The following CYRIA variants were observed in gnomAD, a reference collection of about 807,000 sequenced individuals.
CYRIA encodes CYFIP-related Rac1 interactor A.
In CYRIA, 15 loss-of-function variants were observed where a neutral mutation model predicts 43.9. The ratio of observed to expected loss-of-function variants is 0.34; its 90% CI spans 0.23 to 0.53. The LOEUF is 0.53. Among genes scored for constraint, CYRIA ranks in the 20% least tolerant of loss-of-function variants. CYRIA has a pLI of 0.94. For synonymous variants in CYRIA, 117 were observed against 136.0 expected (o/e 0.86, Z 0.97); for missense variants, 236 against 394.2 (o/e 0.60, Z 3.40).
chr2:16,574,732 A>C (rs189605136), intron 3 of CYRIA, among the ~76,000 whole-genome samples: 204 of 152,324 alleles, frequency 1.3e-3, no homozygotes, highest in African/African-American at 4.9e-3. Context: ...AGAAATCAAA[A>C]ACTGAGGTTT....
intron 1 of CYRIA, among the ~76,000 whole-genome samples, chr2:16,665,427 A>G (rs1375533119): frequency 6.6e-6 from 1 of 151,254 alleles, no homozygotes; most frequent in Non-Finnish European, 1.5e-5. Flanking sequence ...GGGGAGTGTT[A>G]GGGGTCCCCT....
chr2:16,646,724 A>G (rs1669830964), intron 1 of CYRIA, among the ~76,000 whole-genome samples: 2 of 152,236 alleles, frequency 1.3e-5, no homozygotes, highest in African/African-American at 4.8e-5. Flanking sequence ...AGAAATTAAC[A>G]TTTAAATCAG....
intron 1 of CYRIA, among the ~76,000 whole-genome samples, chr2:16,665,034 C>T (rs1357181801): frequency 1.3e-5 from 2 of 152,088 alleles, no homozygotes; most frequent in South Asian, 2.1e-4. Context: ...CACTGGCTAG[C>T]GAGTAGGAGC....
chr2:16,562,134 A>G lies in CYRIA; in HGVS notation c.306T>C (p.Ala102=), dbSNP rs764375091. ...FYEFSIRLEK[A]LQSLLESLTC... ...TCAGAGATTCCAATAAACTCTGAAG[A>G]GCTTTTTCTGAAAATCAAAGGGATA... Residue 102 remains alanine (A), a synonymous_variant, in exon 6 of 12, where the codon GCT becomes GCC. Coordinates refer to ENST00000381323, the MANE Select transcript of CYRIA (RefSeq NM_030797.4). 2.5e-6 allele frequency: 4 copies of G among 1,610,412 alleles called. No homozygotes were observed. The South Asian group carries it at 4.4e-5, about 18-fold the overall frequency.
At chr2:16,607,302 T>G in intron 2 of CYRIA, among the ~76,000 whole-genome samples, 1 of 63,094 alleles carries the variant, frequency 1.6e-5, no homozygotes, top group Admixed American at 2.4e-4. Flanking sequence ...GGTGGGCCTG[T>G]CAGGCAGGGA....
chr2:16,561,922 A>G (rs1166233735), intron 6 of CYRIA, 83 bp downstream of exon 6: 17 of 1,354,440 alleles, frequency 1.3e-5, no homozygotes, highest in Non-Finnish European at 1.5e-5. Flanking sequence ...CTACCCACCC[A>G]CCCCACAGCA....
chr2:16,593,718 G>GTT (rs572181896), intron 2 of CYRIA, among the ~76,000 whole-genome samples: 2 of 85,836 alleles, frequency 2.3e-5, no homozygotes, highest in Non-Finnish European at 2.3e-5. Context: ...GTGTGTGTGT[G>GTT]TTTTTTTTTT....
chr2:16,576,148 A>G (rs1667338592), intron 3 of CYRIA, among the ~76,000 whole-genome samples: 1 of 152,192 alleles, frequency 6.6e-6, no homozygotes, highest in Admixed American at 6.5e-5. Flanking sequence ...CTTTTGGGAG[A>G]TATGGATTCA....
At chr2:16,662,464 G>C (rs1018667546) in intron 1 of CYRIA, among the ~76,000 whole-genome samples, 3 of 152,224 alleles carry the variant, frequency 2.0e-5, no homozygotes, top group African/African-American at 7.2e-5. Context: ...TTCAACCACA[G>C]TTAAGACAAA....
At chr2:16,554,723 GC>G (rs1463295790) in intron 11 of CYRIA, among the ~76,000 whole-genome samples, 1 of 152,152 alleles carries the variant, frequency 6.6e-6, no homozygotes, top group African/African-American at 2.4e-5. Flanking sequence ...GAAAGTGAGA[GC>G]CTGGAAGCCT....
intron 1 of CYRIA, among the ~76,000 whole-genome samples, chr2:16,624,740 G>A (rs371514773): frequency 5.9e-5 from 9 of 152,242 alleles, no homozygotes; most frequent in African/African-American, 2.2e-4. Context: ...ACTCCTTTGT[G>A]CAGAAAACCA....
In CYRIA at chr2:16,650,853, A is replaced by G. The variant is rs771912793; in HGVS notation, c.-167+14927T>C. Among the ~76,000 whole-genome samples, 1 of 152,244 alleles carries G rather than the reference A, an allele frequency of 6.6e-6. No individual in the cohort carries two copies. The highest frequency in any genetic ancestry group is 2.4e-5 in the African/African-American group (1 of 41,466). ...AGGACAGAGGCTCACAGGCTTTGAC[A>G]TGAGTGACTAATTCAATTTTTTGCT... On this transcript the variant is annotated intron_variant, in intron 1 of 11. Coordinates refer to ENST00000381323, the MANE Select transcript of CYRIA (RefSeq NM_030797.4). This position sits in a 1 kb window ranked among gnomAD's most constrained non-coding sequence, Gnocchi z 4.1.
intron 4 of CYRIA, 114 bp downstream of exon 4, chr2:16,565,532 G>T: frequency 8.0e-7 from 1 of 1,244,110 alleles, no homozygotes; most frequent in Non-Finnish European, 1.1e-6. Context: ...GTTCTTCCTG[G>T]TACTCTAGGA....
At chr2:16,590,016 G>A (rs62122729) in intron 2 of CYRIA, among the ~76,000 whole-genome samples, 27,677 of 151,600 alleles carry the variant, frequency 0.18, 3,509 homozygotes, top group African/African-American at 0.35. Context: ...TGGGCTAGAC[G>A]CATCCTAGAC....
chr2:16,617,219 C>T (rs1025959640), intron 2 of CYRIA, among the ~76,000 whole-genome samples: 4 of 152,182 alleles, frequency 2.6e-5, no homozygotes, highest in African/African-American at 9.7e-5. Context: ...CTAAGAGGAG[C>T]ACAGATGACC....
chr2:16,572,824 A>C (rs1277959226), intron 3 of CYRIA, among the ~76,000 whole-genome samples: 4 of 151,194 alleles, frequency 2.6e-5, no homozygotes, highest in Non-Finnish European at 5.9e-5. Context: ...CACTGTCTTC[A>C]AGAAACATTT....
chr2:16,557,703 A>G (rs1204593601), intron 10 of CYRIA, among the ~76,000 whole-genome samples: 1 of 152,186 alleles, frequency 6.6e-6, no homozygotes, highest in African/African-American at 2.4e-5. Context: ...AAGACTTAAC[A>G]TGATATACTG....
intron 1 of CYRIA, among the ~76,000 whole-genome samples, chr2:16,641,182 T>A (rs1375138016): frequency 6.6e-6 from 1 of 152,168 alleles, no homozygotes; most frequent in African/African-American, 2.4e-5. Context: ...TATTATTGCA[T>A]CACTCTATGG....
At chr2:16,631,993 C>T (rs997040732) in intron 1 of CYRIA, among the ~76,000 whole-genome samples, 15 of 152,214 alleles carry the variant, frequency 9.9e-5, no homozygotes, top group African/African-American at 3.6e-4. Flanking sequence ...CCCTGAGTCC[C>T]ACAGACCACC....
Sources: gnomAD v4.1 joint callset for allele counts (sites outside exome capture counted in the v4.1 genomes callset) on GRCh38, gnomAD v4.1.1 for gene constraint, Gnocchi (gnomAD v3.1) non-coding constraint, MANE v1.5 for transcripts, NCBI Gene and HGNC (gene_info 2026-07-23, HGNC 2026-07-21) for gene names.